Variants in LRPPRC observed in about 807,000 individuals in gnomAD.
LRPPRC encodes leucine-rich PPR motif-containing protein, mitochondrial.
Under a neutral mutation model 180.3 loss-of-function variants are expected in LRPPRC, and 120 were observed. That is an observed-to-expected ratio of 0.67 (90% CI 0.57 to 0.77). The LOEUF (loss-of-function observed/expected upper bound fraction) is 0.77, where lower values mean the gene tolerates loss of function less well. Among genes scored for constraint, LRPPRC ranks in the 30% least tolerant of loss-of-function variants. The pLI, the probability that LRPPRC is intolerant of heterozygous loss-of-function variation, is 0.00. For missense variants in LRPPRC, 2,012 were observed against 1,657.2 expected (o/e 1.21, Z -3.72); for synonymous variants, 723 against 600.0 (o/e 1.21, Z -3.00).
intron 35 of LRPPRC, among the ~76,000 whole-genome samples, chr2:43,895,231 C>G (rs1035145161): frequency 1.3e-5 from 2 of 152,290 alleles, no homozygotes; most frequent in East Asian, 3.9e-4. Flanking sequence ...ATATAAACAT[C>G]TATGCCCTCT....
At position 43,946,234 on chromosome 2, in the gene LRPPRC, T is replaced by A; in HGVS notation, c.2089A>T (p.Lys697Ter). 6.2e-7 allele frequency: 1 copy of A among 1,611,324 alleles called. No individual in the cohort carries two copies. The highest frequency in any genetic ancestry group is 8.5e-7 in the Non-Finnish European group (1 of 1,177,768). Residue 697 changes from lysine (K) to a stop codon, truncating the protein, a stop_gained, in exon 21 of 38, where the codon AAA becomes TAA. Transcript: ENST00000260665. LOFTEE classifies it high-confidence loss of function. Reference sequence around the variant, plus strand: ...TATTTTGCTTTCAATTCAAGGGCTTTTTGCATATTCTAAAATACAGCATAG... The same window carrying A: ...TATTTTGCTTTCAATTCAAGGGCTTATTGCATATTCTAAAATACAGCATAG... ...LVLCSEENMQ[K>*]ALELKAKYES...
intron 22 of LRPPRC, among the ~76,000 whole-genome samples, 200 bp from the exon 23 acceptor site, chr2:43,944,094 T>G (rs1017779778): frequency 1.3e-5 from 2 of 152,060 alleles, no homozygotes; most frequent in African/African-American, 2.4e-5. Context: ...CCCTGCAACT[T>G]TGACTACAAA....
chr2:43,893,495 A>G (rs1670570278), intron 36 of LRPPRC, among the ~76,000 whole-genome samples: 1 of 152,234 alleles, frequency 6.6e-6, no homozygotes, highest in Non-Finnish European at 1.5e-5. Flanking sequence ...ACCTTCTACC[A>G]GCAAGATTAT....
intron 35 of LRPPRC, 41 bp downstream of exon 35, chr2:43,896,593 C>A: frequency 8.3e-7 from 1 of 1,206,718 alleles, no homozygotes; most frequent in Admixed American, 1.7e-5. Context: ...GAGCAAGGCA[C>A]GTACAGTATC....
intron 14 of LRPPRC, among the ~76,000 whole-genome samples, chr2:43,953,951 C>G (rs1038922625): frequency 7.9e-5 from 12 of 152,208 alleles, no homozygotes; most frequent in Non-Finnish European, 1.8e-4. Flanking sequence ...TGGGGGTTCA[C>G]TTGAGCCCAG....
intron 27 of LRPPRC, among the ~76,000 whole-genome samples, chr2:43,920,080 A>T (rs971495407): frequency 6.5e-5 from 7 of 106,966 alleles, no homozygotes; most frequent in African/African-American, 2.5e-4. Flanking sequence ...TCAGCAATTT[A>T]AAAAAAAAAA....
rs1326909719 is a variant in LRPPRC, at chr2:43,894,571, GCTT to G, written c.3956_3958del (p.Glu1319del). The G allele has an allele frequency of 6.4e-7, 1 of 1,556,470 alleles. No homozygotes were observed. The highest frequency in any genetic ancestry group is 1.7e-5 in the Admixed American group (1 of 59,892). On this transcript the variant is annotated inframe_deletion, in exon 36 of 38. Coordinates refer to ENST00000260665, the MANE Select transcript of LRPPRC (RefSeq NM_133259.4). ...ATAGCTTTTCATGAGGGAATTGTATGCTTCTTCCTTTTCATTTAATTCAGGAAT... is the reference window on the plus strand; with the variant it reads ...ATAGCTTTTCATGAGGGAATTGTATGCTTCCTTTTCATTTAATTCAGGAAT...
At chr2:43,905,299 C>A (rs908666394) in intron 31 of LRPPRC, among the ~76,000 whole-genome samples, 1 of 152,200 alleles carries the variant, frequency 6.6e-6, no homozygotes, top group Non-Finnish European at 1.5e-5. Flanking sequence ...CAAGAAACAA[C>A]TGCTGGGAAT....
intron 11 of LRPPRC, among the ~76,000 whole-genome samples, chr2:43,964,627 G>C (rs2103676300): frequency 6.6e-6 from 1 of 151,688 alleles, no homozygotes; most frequent in East Asian, 1.9e-4. Context: ...ACTGAGTACA[G>C]AAAAACACAA....
chr2:43,918,359 T>G lies in LRPPRC; in HGVS notation c.2936A>C (p.Asn979Thr). 6.2e-7 allele frequency: 1 copy of G among 1,611,468 alleles called. No individual in the cohort carries two copies. The highest frequency in any genetic ancestry group is 8.5e-7 in the Non-Finnish European group (1 of 1,177,570). ...AATAACATTTTCTTCTTGGATTTTATTCCAGACTGCATCAGCTCTTTGCCA... is the reference window on the plus strand; with the variant it reads ...AATAACATTTTCTTCTTGGATTTTAGTCCAGACTGCATCAGCTCTTTGCCA... ...GDWQRADAVW[N>T]KIQEENVIPR... Residue 979 changes from asparagine (N) to threonine (T), a missense_variant, in exon 28 of 38, where the codon AAT (asparagine) becomes ACT (threonine). Physicochemically the swap from Asn to Thr is moderately conservative, Grantham distance 65 (BLOSUM62 0). Transcript: ENST00000260665.
intron 11 of LRPPRC, among the ~76,000 whole-genome samples, chr2:43,968,927 G>A (rs1673676988): frequency 6.6e-6 from 1 of 152,164 alleles, no homozygotes; most frequent in Non-Finnish European, 1.5e-5. Flanking sequence ...GGTGTTGAAG[G>A]TTTATGGTTG....
intron 30 of LRPPRC, among the ~76,000 whole-genome samples, chr2:43,907,757 G>A (rs777238474): frequency 6.6e-6 from 1 of 152,006 alleles, no homozygotes; most frequent in Non-Finnish European, 1.5e-5. Flanking sequence ...TTCAATTTAC[G>A]ACCAACTGCA....
Position 43,888,244 on chromosome 2 carries a change from C to T in LRPPRC, c.*356G>A, listed in dbSNP as rs1670341991. ...CACTATACCTAGCTCTAAAATTTTT[C>T]AGAGAAACAGCAGACTAATAAGTGA... On this transcript the variant is annotated 3_prime_UTR_variant, in exon 38 of 38. Coordinates refer to ENST00000260665, the MANE Select transcript of LRPPRC (RefSeq NM_133259.4). 1.1e-5 allele frequency: 3 copies of T among 268,164 alleles called. No homozygotes were observed. Among genetic ancestry groups the T allele is most frequent in the Non-Finnish European group, 2.2e-5 (3 of 139,064 alleles). The allele number at this position is 268,164 out of a possible 1,614,324, so 16.6% of individuals were successfully genotyped here.
At chr2:43,931,974 T>C (rs1304224606) in intron 25 of LRPPRC, among the ~76,000 whole-genome samples, 1 of 151,752 alleles carries the variant, frequency 6.6e-6, no homozygotes, top group Non-Finnish European at 1.5e-5. Flanking sequence ...ATCTACAGAA[T>C]GTAGTAATTG....
intron 29 of LRPPRC, among the ~76,000 whole-genome samples, chr2:43,913,513 T>C (rs2105014988): frequency 6.6e-6 from 1 of 152,352 alleles, no homozygotes; most frequent in South Asian, 2.1e-4. Context: ...GCGAAAATTG[T>C]TACGCTTCTA....
chr2:43,934,867 G>T lies in LRPPRC; in HGVS notation c.2516C>A (p.Ser839Tyr). 1.9e-6 allele frequency: 3 copies of T among 1,612,898 alleles called. No homozygotes were observed. The highest frequency in any genetic ancestry group is 1.7e-6 in the Non-Finnish European group (2 of 1,179,150). ...VTVHLEKGDL[S>Y]TALEVAIDCY... ...GTCAATGGCGACCTCAAGAGCAGTA[G>T]ATAGGTCGCCCCTTAGAAACAAAAA... The change falls in exon 24 of 38, where the codon TCT (serine) becomes TAT (tyrosine). Residue 839 changes from serine (S) to tyrosine (Y), a missense_variant. Coordinates refer to ENST00000260665, the MANE Select transcript of LRPPRC (RefSeq NM_133259.4).
chr2:43,960,569 A>G lies in LRPPRC; in HGVS notation c.1554T>C (p.Asn518=), dbSNP rs2103661395. Residue 518 remains asparagine, a synonymous_variant, in exon 13 of 38, where the codon AAT becomes AAC. Transcript: ENST00000260665. ...SQAGLRSEAA[N]GNLDFVLSFL... ...ATGATAATACAAAGTCTAAGTTCCC[A>G]TTTGCTGCTTCACTTCTCAATCCAG... 6.2e-7 allele frequency: 1 copy of G among 1,600,058 alleles called. No homozygotes were observed. Among genetic ancestry groups the G allele is most frequent in the Non-Finnish European group, 8.6e-7 (1 of 1,168,336 alleles).
intron 11 of LRPPRC, among the ~76,000 whole-genome samples, chr2:43,973,184 C>T (rs942085237): frequency 6.6e-6 from 1 of 152,108 alleles, no homozygotes; most frequent in African/African-American, 2.4e-5. Context: ...TAACTAAGCT[C>T]AGTTAAAAAG....
chr2:43,980,499 G>C (rs1253425242), intron 2 of LRPPRC, among the ~76,000 whole-genome samples: 2 of 147,566 alleles, frequency 1.4e-5, no homozygotes, highest in Non-Finnish European at 3.0e-5. Flanking sequence ...GCTGCGGTGA[G>C]CCGACATTGC....
Sources: gnomAD v4.1 joint callset for allele counts (sites outside exome capture counted in the v4.1 genomes callset) on GRCh38, gnomAD v4.1.1 for gene constraint, MANE v1.5 for transcripts, NCBI Gene and HGNC (gene_info 2026-07-23, HGNC 2026-07-21) for gene names.